NFAT5: variants seen among roughly 807,000 people sequenced by gnomAD.
The protein encoded by NFAT5 is nuclear factor of activated T cells 5, also known as nuclear factor of activated T-cells 5.
Under a neutral mutation model 166.5 loss-of-function variants are expected in NFAT5, and 31 were observed. That is an observed-to-expected ratio of 0.19 (90% CI 0.14 to 0.25). The LOEUF is 0.25. NFAT5 is among the 10% of genes least tolerant of loss of function. NFAT5 has a pLI of 1.00. For synonymous variants in NFAT5, 612 were observed against 639.7 expected (o/e 0.96, Z 0.65); for missense variants, 1,449 against 1,821.8 (o/e 0.80, Z 3.72).
At chr16:69,577,142 T>C (rs777033754) in intron 2 of NFAT5, among the ~76,000 whole-genome samples, 17 of 152,226 alleles carry the variant, frequency 1.1e-4, no homozygotes, top group Non-Finnish European at 1.9e-4. Context: ...GTATCCGTTT[T>C]CTCACGGTAG....
intron 3 of NFAT5, among the ~76,000 whole-genome samples, chr16:69,630,318 C>T (rs1009403932): frequency 3.3e-5 from 5 of 152,038 alleles, no homozygotes; most frequent in Admixed American, 6.6e-5. Context: ...AGGTGTGAAC[C>T]ACTATGCTCG....
chr16:69,633,163 T>C (rs949618076), intron 3 of NFAT5, among the ~76,000 whole-genome samples: 10 of 152,218 alleles, frequency 6.6e-5, no homozygotes, highest in African/African-American at 1.9e-4. Flanking sequence ...CTTTAATATT[T>C]CTCTTTTTAT....
intron 7 of NFAT5, among the ~76,000 whole-genome samples, chr16:69,661,380 TAA>T (rs775926746): frequency 1.2e-4 from 15 of 121,880 alleles, no homozygotes; most frequent in South Asian, 2.7e-4. Flanking sequence ...TTACAAAAAT[TAA>T]AAAAAAAAAA....
At chr16:69,578,848 G>T (rs2031473634) in intron 2 of NFAT5, among the ~76,000 whole-genome samples, 1 of 150,916 alleles carries the variant, frequency 6.6e-6, no homozygotes, top group Non-Finnish European at 1.5e-5. Flanking sequence ...AAGAACTTTA[G>T]AAACACTATA....
chr16:69,575,192 CG>C (rs1338100812), intron 2 of NFAT5, among the ~76,000 whole-genome samples: 7 of 151,864 alleles, frequency 4.6e-5, no homozygotes, highest in Non-Finnish European at 1.0e-4. Context: ...TATTTAGAGA[CG>C]GAGTCTCTCT....
intron 6 of NFAT5, among the ~76,000 whole-genome samples, chr16:69,657,320 G>A (rs972741473): frequency 1.3e-5 from 2 of 151,576 alleles, no homozygotes; most frequent in Non-Finnish European, 2.9e-5. Context: ...AGTAGAGACG[G>A]GGTTTCACTG....
intron 2 of NFAT5, among the ~76,000 whole-genome samples, chr16:69,603,590 A>C (rs934148520): frequency 6.6e-6 from 1 of 152,160 alleles, no homozygotes; most frequent in African/African-American, 2.4e-5. Context: ...CATCTCTAAA[A>C]AAAATACAAA....
chr16:69,661,787 A>G (rs961663370), intron 7 of NFAT5, among the ~76,000 whole-genome samples: 5 of 152,182 alleles, frequency 3.3e-5, no homozygotes, highest in Non-Finnish European at 5.9e-5. Context: ...AGTTAATTCA[A>G]TGGATAGTTA....
chr16:69,691,930 C>T lies in NFAT5; in HGVS notation c.2105C>T (p.Ser702Leu), dbSNP rs369860927. The T allele has an allele frequency of 8.6e-5, 139 of 1,614,054 alleles. No homozygotes were observed. The highest frequency in any genetic ancestry group is 1.1e-4 in the Non-Finnish European group (129 of 1,180,034). Residue 702 changes from serine (S) to leucine (L), a missense_variant, in exon 13 of 15, where the codon TCA (serine) becomes TTA (leucine). Ser to Leu is a moderately radical substitution (Grantham distance 145, BLOSUM62 -2). This residue lies in a region of NFAT5 where 891 missense variants were observed against 993.0 expected (regional missense o/e 0.90). Transcript: ENST00000349945. ...ACAACTATTCAAACCCAGGACATCT[C>T]ACAGCCTGGTACTTTTCCAGCAGTT... ...TLTTIQTQDI[S>L]QPGTFPAVSA... is the part of the protein sequence containing the mutation.
At chr16:69,635,803 A>G (rs1443048907) in intron 3 of NFAT5, among the ~76,000 whole-genome samples, 3 of 152,246 alleles carry the variant, frequency 2.0e-5, no homozygotes, top group South Asian at 4.1e-4. Context: ...TGGGAGATAC[A>G]ATTCAAGTTG....
intron 2 of NFAT5, among the ~76,000 whole-genome samples, chr16:69,604,022 A>T (rs11864406): frequency 0.043 from 6,542 of 152,244 alleles, 481 homozygotes; most frequent in African/African-American, 0.15. Context: ...CTAATAGCCT[A>T]GGTCAGTGGA....
chr16:69,613,051 C>T (rs1437570122), intron 2 of NFAT5, among the ~76,000 whole-genome samples: 1 of 152,112 alleles, frequency 6.6e-6, no homozygotes, highest in Non-Finnish European at 1.5e-5. Flanking sequence ...ATTCTTAACT[C>T]CTATATTCTC....
intron 2 of NFAT5, among the ~76,000 whole-genome samples, chr16:69,624,471 T>A (rs2034354281): frequency 6.6e-6 from 1 of 152,142 alleles, no homozygotes; most frequent in South Asian, 2.1e-4. Flanking sequence ...CCTCCCAGTG[T>A]TGGGATTACA....
At chr16:69,568,099 G>A (rs1259154742) in intron 1 of NFAT5, among the ~76,000 whole-genome samples, 1 of 152,078 alleles carries the variant, frequency 6.6e-6, no homozygotes, top group Admixed American at 6.5e-5. Context: ...GATCACCTGA[G>A]GTCGGGAGTT....
Position 69,647,389 on chromosome 16 carries a change from C to T in NFAT5, c.615C>T (p.Ser205=). The change falls in exon 4 of 15, where the codon AGC becomes AGT. Residue 205 remains serine (S), a synonymous_variant. Transcript: ENST00000349945. The surrounding 1 kb of genome is among the most constrained non-coding windows in gnomAD (Gnocchi z 4.8). ...EDSPSNFSNM[S]TSSYNDNTEV... ...CCCCCTCCAACTTCAGTAACATGAG[C>T]ACCAGTTCCTACAATGATAACACTG... 1 of 1,614,114 alleles carries T rather than the reference C, an allele frequency of 6.2e-7. No homozygotes were observed. Among genetic ancestry groups the T allele is most frequent in the Non-Finnish European group, 8.5e-7 (1 of 1,180,018 alleles).
At chr16:69,687,663 GATA>G (rs2037364948) in intron 11 of NFAT5, among the ~76,000 whole-genome samples, 1 of 152,064 alleles carries the variant, frequency 6.6e-6, no homozygotes, top group African/African-American at 2.4e-5. Flanking sequence ...AGGGGGAGAA[GATA>G]ATAAGCATTA....
At position 69,693,002 on chromosome 16, in the gene NFAT5, A is replaced by G; in HGVS notation, c.3177A>G (p.Gln1059=). The G allele has an allele frequency of 6.2e-7, 1 of 1,614,142 alleles. No homozygotes were observed. The change falls in exon 13 of 15, where the codon CAA becomes CAG. Residue 1059 remains glutamine, a synonymous_variant. Transcript: ENST00000349945. ...MSVQNSGTQQ[Q]GNGLFQQGNE... is the part of the protein sequence containing the mutation. ...TTCAGAATAGTGGTACCCAACAACA[A>G]GGTAATGGTTTATTCCAGCAAGGGA...
At chr16:69,578,164 C>G (rs72801317) in intron 2 of NFAT5, among the ~76,000 whole-genome samples, 8,966 of 152,128 alleles carry the variant, frequency 0.059, 290 homozygotes, top group Middle Eastern at 0.11. Context: ...AGGTTATATG[C>G]AAATACAAAA....
chr16:69,689,129 TAGTC>T (rs559114317), intron 11 of NFAT5, among the ~76,000 whole-genome samples: 4 of 151,972 alleles, frequency 2.6e-5, no homozygotes, highest in Admixed American at 1.3e-4. Context: ...TTTTAAAAAT[TAGTC>T]AGGCATGGTG....
Sources: allele counts gnomAD v4.1 joint callset (sites outside exome capture counted in the v4.1 genomes callset), GRCh38; gene constraint gnomAD v4.1.1; regional missense constraint gnomAD v4.1.1; non-coding constraint Gnocchi (gnomAD v3.1); transcripts MANE v1.5; gene names NCBI Gene and HGNC (gene_info 2026-07-23, HGNC 2026-07-21).